ARHGEF17: variants seen among roughly 807,000 people sequenced by gnomAD.
ARHGEF17 encodes the protein Rho guanine nucleotide exchange factor 17.
In ARHGEF17, 80 loss-of-function variants were observed where a neutral mutation model predicts 174.0. That is an observed-to-expected ratio of 0.46 (90% CI 0.38 to 0.55). ARHGEF17 has a LOEUF of 0.55. Ranked by LOEUF, ARHGEF17 falls within the 20% of genes least tolerant of loss-of-function variation. ARHGEF17 has a pLI of 0.00. For synonymous variants in ARHGEF17, 1,311 were observed against 1,189.1 expected, an observed-to-expected ratio of 1.10 and a Z score of -2.11; for missense variants, 2,886 against 2,839.7, an observed-to-expected ratio of 1.02 and a Z score of -0.37.
chr11:73,317,711 T>G (rs1202870477), intron 1 of ARHGEF17, among the ~76,000 whole-genome samples: 5 of 152,180 alleles, frequency 3.3e-5, no homozygotes, highest in African/African-American at 9.6e-5. Context: ...CATGATGTCC[T>G]CCCTCTAATT....
intron 1 of ARHGEF17, among the ~76,000 whole-genome samples, chr11:73,333,810 C>A (rs112240938): frequency 1.1e-3 from 172 of 152,286 alleles, no homozygotes; most frequent in African/African-American, 3.9e-3. Flanking sequence ...GGTTCTAGCT[C>A]AGCTGACTGT....
chr11:73,351,945 C>T (rs997970796), intron 2 of ARHGEF17, among the ~76,000 whole-genome samples: 1 of 152,184 alleles, frequency 6.6e-6, no homozygotes, highest in Non-Finnish European at 1.5e-5. Flanking sequence ...GACTCGTGGT[C>T]TTCGCGTTTT....
Position 73,365,285 on chromosome 11 carries a change from CG to C in ARHGEF17, c.5551-104del. On this transcript the variant is annotated intron_variant, in intron 18 of 20. Coordinates refer to ENST00000263674, the MANE Select transcript of ARHGEF17 (RefSeq NM_014786.4). The surrounding 1 kb of genome is among the most constrained non-coding windows in gnomAD (Gnocchi z 4.9). ...AAAGGTTAATCAGACCAAGGACCAACGCTAGTGTGAGTTGTGAGGGATGGAC... is the reference window on the plus strand; with the variant it reads ...AAAGGTTAATCAGACCAAGGACCAACCTAGTGTGAGTTGTGAGGGATGGAC... 1 of 1,321,276 alleles carries C rather than the reference CG, an allele frequency of 7.6e-7. No individual in the cohort carries two copies. The highest frequency in any genetic ancestry group is 1.9e-5 in the Admixed American group (1 of 51,960). The allele number at this position is 1,321,276 out of a possible 1,614,324, so 81.8% of individuals were successfully genotyped here.
intron 1 of ARHGEF17, 88 bp downstream of exon 1, chr11:73,311,918 T>C: frequency 7.0e-7 from 1 of 1,437,156 alleles, no homozygotes; most frequent in Non-Finnish European, 9.3e-7. Flanking sequence ...TTGTATTCAC[T>C]GGTCAGGTGC....
At chr11:73,361,242 A>G in intron 12 of ARHGEF17, 81 bp downstream of exon 12, 12 of 1,307,662 alleles carry the variant, frequency 9.2e-6, no homozygotes, top group Non-Finnish European at 1.3e-5. Flanking sequence ...GACATTGTGT[A>G]TATGCCGTGA....
At chr11:73,312,175 G>A (rs1194537794) in intron 1 of ARHGEF17, among the ~76,000 whole-genome samples, 5 of 152,202 alleles carry the variant, frequency 3.3e-5, no homozygotes, top group African/African-American at 1.2e-4. Context: ...TTGGAGGGAT[G>A]AGTGTGATGG....
intron 1 of ARHGEF17, among the ~76,000 whole-genome samples, chr11:73,325,510 A>AAGCTT (rs1865086776): frequency 2.0e-5 from 3 of 152,160 alleles, no homozygotes; most frequent in African/African-American, 7.2e-5. Flanking sequence ...CAACACAGGC[A>AAGCTT]AAGCTTGAGG....
chr11:73,325,462 C>T (rs1456279807), intron 1 of ARHGEF17, among the ~76,000 whole-genome samples: 2 of 152,230 alleles, frequency 1.3e-5, no homozygotes, highest in African/African-American at 2.4e-5. Flanking sequence ...ACAGTTCCCA[C>T]ACTGTGGGGT....
chr11:73,364,096 C>A, intron 16 of ARHGEF17, 76 bp from the exon 17 acceptor site: 1 of 1,449,100 alleles, frequency 6.9e-7, no homozygotes, highest in South Asian at 1.2e-5. Flanking sequence ...CCCATTCTAT[C>A]TGTGGTTCCC....
intron 1 of ARHGEF17, among the ~76,000 whole-genome samples, chr11:73,330,197 AT>A (rs1275992341): frequency 2.6e-5 from 4 of 151,836 alleles, no homozygotes; most frequent in African/African-American, 7.3e-5. Context: ...AGTTGCAAAT[AT>A]TTTTTTCCTG....
intron 16 of ARHGEF17, 36 bp downstream of exon 16, chr11:73,363,869 T>G: frequency 1.3e-6 from 2 of 1,596,382 alleles, no homozygotes; most frequent in Non-Finnish European, 1.7e-6. Context: ...ATCTAGACTC[T>G]TCTCAGCCAC....
chr11:73,357,149 C>G lies in ARHGEF17; in HGVS notation c.4001+15C>G. The stretch of plus-strand genomic sequence containing the variant: ...TCCATGAGCCTGTGAGTGGCTGGGC[C>G]GGGGTTTGGGTGGTGCCAACAGGGG... On this transcript the variant is annotated intron_variant, in intron 8 of 20. Transcript: ENST00000263674. 6.2e-7 allele frequency: 1 copy of G among 1,613,652 alleles called. No individual in the cohort carries two copies. Among genetic ancestry groups the G allele is most frequent in the Non-Finnish European group, 8.5e-7 (1 of 1,179,758 alleles).
Position 73,362,091 on chromosome 11 carries a change from G to T in ARHGEF17, c.4546G>T (p.Val1516Leu), listed in dbSNP as rs1039117812. 2 of 1,612,732 alleles carry T rather than the reference G, an allele frequency of 1.2e-6. No homozygotes were observed. Among genetic ancestry groups the T allele is most frequent in the Admixed American group, 3.3e-5 (2 of 60,006 alleles). The change falls in exon 13 of 21, where the codon GTA (valine) becomes TTA (leucine). Residue 1516 changes from valine to leucine, a missense_variant. By Grantham distance (32) the Val-to-Leu change is conservative. This residue lies in a region of ARHGEF17 where 476 missense variants were observed against 473.1 expected (regional missense o/e 1.01). Coordinates refer to ENST00000263674, the MANE Select transcript of ARHGEF17 (RefSeq NM_014786.4). Reference sequence around the variant, plus strand: ...CAGCTGCCCGGAGCCCTCGCCTGAGGTATGGGTCTGCAACAGCGACGGCTA... The same window carrying T: ...CAGCTGCCCGGAGCCCTCGCCTGAGTTATGGGTCTGCAACAGCGACGGCTA... Reference protein sequence around the residue: ...LNSCPEPSPEVWVCNSDGYVG... With the variant: ...LNSCPEPSPELWVCNSDGYVG...
rs1221628542 is a variant in ARHGEF17 at position 73,309,431 on chromosome 11, C to G, written c.793C>G (p.Gln265Glu). 6 of 1,544,702 alleles carry G rather than the reference C, an allele frequency of 3.9e-6. No homozygotes were observed. The South Asian group carries it at 7.3e-5, about 19-fold the overall frequency. The change falls in exon 1 of 21, where the codon CAG (glutamine) becomes GAG (glutamate). Residue 265 changes from glutamine (Q) to glutamate (E), a missense_variant. By Grantham distance (29) the Gln-to-Glu change is conservative. Transcript: ENST00000263674. The stretch of plus-strand genomic sequence containing the variant: ...GGGCCCGCCGCAGCTGCCTGGAGCC[C>G]AGAGTCCGGCCTACCACGGCGGCCA... ...EEGPPQLPGAQSPAYHGGHSS... is the reference protein window; with the variant it reads ...EEGPPQLPGAESPAYHGGHSS...
rs58725771 is a variant in ARHGEF17 at position 73,332,350 on chromosome 11, C to CGTGTGTGTGTGTGT, written c.3193-14488_3193-14475dup. Reference sequence around the variant, plus strand: ...TATATTTCCCTCCAGGCTTTTTCTCCGTGTGTGTGTGTGTGTGTGTGTGTG... The same window carrying CGTGTGTGTGTGTGT: ...TATATTTCCCTCCAGGCTTTTTCTCCGTGTGTGTGTGTGTGTGTGTGTGTGTGTGTGTGTGTGTG... On this transcript the variant is annotated intron_variant, in intron 1 of 20. Transcript: ENST00000263674. Among the ~76,000 whole-genome samples the CGTGTGTGTGTGTGT allele has an allele frequency of 5.1e-4, 61 of 120,752 alleles. 1 individual carries two copies. The highest frequency in any genetic ancestry group is 4.5e-3 in the East Asian group (16 of 3,532). The allele number at this position is 120,752 out of a possible 152,430, so 79.2% of individuals were successfully genotyped here.
At chr11:73,346,819 G>T (rs1445663353) in intron 1 of ARHGEF17, 64 bp from the exon 2 acceptor site, 1 of 1,291,204 alleles carries the variant, frequency 7.7e-7, no homozygotes. Context: ...GCACCATGTG[G>T]CTACAGGTGA....
At chr11:73,321,613 TG>T (rs1865019344) in intron 1 of ARHGEF17, among the ~76,000 whole-genome samples, 2 of 152,252 alleles carry the variant, frequency 1.3e-5, no homozygotes, top group South Asian at 4.1e-4. Flanking sequence ...CGCTCAGCCC[TG>T]GGCGCTGGCT....
intron 1 of ARHGEF17, among the ~76,000 whole-genome samples, chr11:73,317,388 C>G (rs1864945485): frequency 6.6e-6 from 1 of 152,190 alleles, no homozygotes; most frequent in Admixed American, 6.5e-5. Context: ...AAGAAGCAGG[C>G]TCAGAGTGGG....
Position 73,356,706 on chromosome 11 carries a change from C to T in ARHGEF17, c.3841-3C>T. On this transcript the variant is annotated splice_polypyrimidine_tract_variant and splice_region_variant and intron_variant, in intron 6 of 20. Coordinates refer to ENST00000263674, the MANE Select transcript of ARHGEF17 (RefSeq NM_014786.4). ...GAGATGCCTTGTCCCTCCTGTCCCA[C>T]AGCTCCAGGCCCCTCTGCGGCGGTT... 1 of 1,614,208 alleles carries T rather than the reference C, an allele frequency of 6.2e-7. No homozygotes were observed. The highest frequency in any genetic ancestry group is 1.1e-5 in the South Asian group (1 of 91,088).
Sources: allele counts gnomAD v4.1 joint callset (sites outside exome capture counted in the v4.1 genomes callset), GRCh38; gene constraint gnomAD v4.1.1; regional missense constraint gnomAD v4.1.1; non-coding constraint Gnocchi (gnomAD v3.1); transcripts MANE v1.5; gene names NCBI Gene and HGNC (gene_info 2026-07-23, HGNC 2026-07-21).